SPATS2L: variants seen among roughly 807,000 people sequenced by gnomAD.
The protein encoded by SPATS2L is spermatogenesis associated serine rich 2 like, also known as SPATS2-like protein.
A neutral mutation model predicts 59.6 loss-of-function variants in SPATS2L; 30 were observed. The ratio of observed to expected loss-of-function variants is 0.50; its 90% confidence interval spans 0.38 to 0.68. The LOEUF is 0.68. Among genes scored for constraint, SPATS2L ranks in the 30% least tolerant of loss-of-function variants. The probability of loss-of-function intolerance (pLI) is 0.00; values close to 1 mark genes in which losing one functional copy is unlikely to be tolerated. For missense variants in SPATS2L, 615 were observed against 700.0 expected, an observed-to-expected ratio of 0.88 and a Z score of 1.37; for synonymous variants, 252 against 263.5, an observed-to-expected ratio of 0.96 and a Z score of 0.42.
chr2:200,455,719 T>C (rs571795072), intron 8 of SPATS2L, among the ~76,000 whole-genome samples: 1 of 152,310 alleles, frequency 6.6e-6, no homozygotes, highest in South Asian at 2.1e-4. Context: ...CCTCCCTCCA[T>C]ATCTGGTAAC....
chr2:200,325,916 A>G (rs896037904), intron 1 of SPATS2L, among the ~76,000 whole-genome samples: 10 of 116,026 alleles, frequency 8.6e-5, no homozygotes, highest in African/African-American at 2.6e-4. Flanking sequence ...TTCTTTGACT[A>G]GGTGAGTACT....
chr2:200,446,728 C>G (rs554469750), intron 8 of SPATS2L, among the ~76,000 whole-genome samples: 9 of 152,286 alleles, frequency 5.9e-5, no homozygotes, highest in African/African-American at 2.2e-4. Flanking sequence ...TGAAACATCC[C>G]TGATCATCTT....
intron 2 of SPATS2L, among the ~76,000 whole-genome samples, chr2:200,364,890 C>T (rs1641644765): frequency 6.6e-6 from 1 of 152,158 alleles, no homozygotes; most frequent in African/African-American, 2.4e-5. Flanking sequence ...TCAGGGATGA[C>T]TGGGCTGGAA....
At chr2:200,360,535 C>T (rs971038670) in intron 2 of SPATS2L, among the ~76,000 whole-genome samples, 27 of 152,172 alleles carry the variant, frequency 1.8e-4, no homozygotes, top group South Asian at 2.1e-4. Flanking sequence ...CCCTCTTTGC[C>T]GGCAGGCAGA....
chr2:200,325,839 A>G lies in SPATS2L; in HGVS notation c.-72-3592A>G, dbSNP rs543989222. On this transcript the variant is annotated intron_variant, in intron 1 of 12. Transcript: ENST00000409140. ...CTATAAACAAATAGTCTGATGCATC[A>G]GTTTATAAACACCAACACATTTATT... Among the ~76,000 whole-genome samples, 4 of 152,328 alleles carry G rather than the reference A, an allele frequency of 2.6e-5. No homozygotes were observed. In the East Asian group the frequency reaches 7.7e-4, roughly 29 times the overall value.
At chr2:200,368,931 C>T (rs1299168089) in intron 2 of SPATS2L, among the ~76,000 whole-genome samples, 1 of 151,922 alleles carries the variant, frequency 6.6e-6, no homozygotes, top group Non-Finnish European at 1.5e-5. Flanking sequence ...ATGAAAGAAT[C>T]AACAATGAAA....
Position 200,306,861 on chromosome 2 carries a change from G to A in SPATS2L, c.-134G>A, listed in dbSNP as rs1251184743. On this transcript the variant is annotated 5_prime_UTR_variant, in exon 1 of 13. Transcript: ENST00000409140. ...CGCCACCGCCGCGGCGCCTCCCCTG[G>A]CGACCGCGCCCCCGGGCCCCGGCTC... The A allele has an allele frequency of 3.1e-6, 3 of 980,890 alleles. No homozygotes were observed. In the African/African-American group the frequency reaches 5.3e-5, roughly 17 times the overall value. 60.8% of individuals were successfully genotyped at this position (980,890 alleles called of 1,614,324 possible).
In SPATS2L at chr2:200,440,746, G is replaced by A; in HGVS notation, c.750G>A (p.Val250=). The change falls in exon 8 of 13, where the codon GTG becomes GTA. Residue 250 remains valine, a synonymous_variant. Transcript: ENST00000409140. ...VMIKEEVDSS[V]KKIKAAFAEL... is the part of the protein sequence containing the mutation. ...TTAAGGAAGAAGTGGATAGTTCCGT[G>A]AAGAAGATCAAAGCTGCCTTTGCTG... The A allele has an allele frequency of 6.2e-7, 1 of 1,613,666 alleles. No homozygotes were observed. Among genetic ancestry groups the A allele is most frequent in the Non-Finnish European group, 8.5e-7 (1 of 1,179,672 alleles).
At chr2:200,341,752 G>C (rs562028692) in intron 2 of SPATS2L, among the ~76,000 whole-genome samples, 212 of 151,116 alleles carry the variant, frequency 1.4e-3, no homozygotes, top group African/African-American at 5.0e-3. Flanking sequence ...TGCAGTGGTG[G>C]GATCTCAGCT....
At chr2:200,458,915 T>C (rs2086046036) in intron 8 of SPATS2L, among the ~76,000 whole-genome samples, 1 of 152,196 alleles carries the variant, frequency 6.6e-6, no homozygotes, top group Non-Finnish European at 1.5e-5. Flanking sequence ...ATAAAGATAA[T>C]CTGACATCTG....
intron 5 of SPATS2L, 133 bp from the exon 6 acceptor site, chr2:200,419,117 A>C: frequency 2.5e-6 from 2 of 809,792 alleles, no homozygotes; most frequent in African/African-American, 1.7e-5. Flanking sequence ...AAAGATGTAA[A>C]TATTCTTCAT....
intron 9 of SPATS2L, 104 bp downstream of exon 9, chr2:200,459,931 T>G (rs2086119367): frequency 5.7e-6 from 5 of 871,306 alleles, no homozygotes; most frequent in Non-Finnish European, 8.9e-6. Context: ...GTCCTAAAAT[T>G]TATATTGAAA....
intron 1 of SPATS2L, among the ~76,000 whole-genome samples, chr2:200,310,317 C>T (rs943207134): frequency 2.0e-5 from 3 of 152,168 alleles, no homozygotes; most frequent in Non-Finnish European, 2.9e-5. Flanking sequence ...GCTGACTCTT[C>T]GCTCTCTCAC....
At chr2:200,330,363 G>A (rs954680595) in intron 2 of SPATS2L, among the ~76,000 whole-genome samples, 1 of 152,122 alleles carries the variant, frequency 6.6e-6, no homozygotes, top group Admixed American at 6.5e-5. Context: ...AAACTTTTGT[G>A]GTAAGATGAT....
At chr2:200,331,428 C>G (rs2079939662) in intron 2 of SPATS2L, among the ~76,000 whole-genome samples, 1 of 152,322 alleles carries the variant, frequency 6.6e-6, no homozygotes, top group South Asian at 2.1e-4. Context: ...AATAAATGTA[C>G]ATAGATGTTT....
At chr2:200,309,786 T>C (rs550323098) in intron 1 of SPATS2L, among the ~76,000 whole-genome samples, 1 of 152,348 alleles carries the variant, frequency 6.6e-6, no homozygotes, top group African/African-American at 2.4e-5. Flanking sequence ...TTCCCTTTTT[T>C]GAAGTAGTCT....
At chr2:200,475,364 A>T (rs1389254170) in intron 12 of SPATS2L, among the ~76,000 whole-genome samples, 1 of 152,162 alleles carries the variant, frequency 6.6e-6, no homozygotes, top group Non-Finnish European at 1.5e-5. Context: ...GGTTTTGTAC[A>T]TTTTAGGGAG....
In SPATS2L at chr2:200,373,294, AAC is replaced by A. The variant is rs1574302163; in HGVS notation, c.-22-15927_-22-15926del. ...ACAAAAAAAAAAAAAAAAAAAAAAGAACAAAACTGACTAATACTGTGACCATT... is the reference window on the plus strand; with the variant it reads ...ACAAAAAAAAAAAAAAAAAAAAAAGAAAAACTGACTAATACTGTGACCATT... On this transcript the variant is annotated intron_variant, in intron 2 of 12. Coordinates refer to ENST00000409140, the MANE Select transcript of SPATS2L (RefSeq NM_001100423.2). 11 of 137,124 alleles carry A rather than the reference AAC, an allele frequency of 8.0e-5. No homozygotes were observed. The East Asian group carries it at 1.4e-3, about 17-fold the overall frequency. 8.5% of individuals were successfully genotyped at this position (137,124 alleles called of 1,614,324 possible).
intron 5 of SPATS2L, 93 bp downstream of exon 5, chr2:200,416,521 T>C (rs2083067204): frequency 1.6e-6 from 1 of 639,774 alleles, no homozygotes; most frequent in African/African-American, 1.9e-5. Flanking sequence ...TTTTTGCTTC[T>C]TTCAAGTATG....
Sources: gnomAD v4.1 joint callset for allele counts (sites outside exome capture counted in the v4.1 genomes callset) on GRCh38, gnomAD v4.1.1 for gene constraint, MANE v1.5 for transcripts, NCBI Gene and HGNC (gene_info 2026-07-23, HGNC 2026-07-21) for gene names.